Variants in CCDC171 observed in about 807,000 individuals in gnomAD.
CCDC171 encodes the protein coiled-coil domain-containing protein 171.
CCDC171 carries 177 observed loss-of-function variants against 168.2 expected under a neutral mutation model. The observed-to-expected ratio is 1.05, with a 90% CI of 0.93 to 1.19. The LOEUF (loss-of-function observed/expected upper bound fraction) is 1.19. Among genes scored for constraint, CCDC171 ranks in the 50% most tolerant of loss-of-function variants. The probability of loss-of-function intolerance (pLI) is 0.00; values close to 1 mark genes in which losing one functional copy is unlikely to be tolerated. For missense variants in CCDC171, 1,991 were observed against 1,539.0 expected (o/e 1.29, Z -4.91); for synonymous variants, 687 against 540.8 (o/e 1.27, Z -3.75).
intron 11 of CCDC171, among the ~76,000 whole-genome samples, chr9:15,708,442 G>A (rs1405807707): frequency 6.6e-6 from 1 of 152,064 alleles, no homozygotes; most frequent in East Asian, 1.9e-4. Flanking sequence ...CTCCTGCCAC[G>A]GTATCCTCCC....
intron 23 of CCDC171, among the ~76,000 whole-genome samples, chr9:15,865,541 A>T (rs1471827803): frequency 6.6e-6 from 1 of 151,980 alleles, no homozygotes; most frequent in Admixed American, 6.6e-5. Flanking sequence ...CCTATTCAAC[A>T]TGAAGAATAT....
chr9:15,875,766 A>G lies in CCDC171; in HGVS notation c.3600+1103A>G, dbSNP rs187484365. 3.6e-3 allele frequency: 544 copies of G among 152,092 alleles called. 3 individuals carry two copies. The highest frequency in any genetic ancestry group is 0.012 in the African/African-American group (506 of 41,552). The allele number at this position is 152,092 out of a possible 1,614,324, so 9.4% of individuals were successfully genotyped here. A position where few individuals can be genotyped will look rare whatever the true frequency, so the allele number is the denominator to read the frequency against. ...GTTATTAGTACCAAATTAATGCTCT[A>G]CAAGGAAAAAAATACTCATTGCTTC... On this transcript the variant is annotated intron_variant, in intron 24 of 25. Transcript: ENST00000380701.
chr9:15,853,139 A>G (rs1226263639), intron 23 of CCDC171, among the ~76,000 whole-genome samples: 4 of 151,576 alleles, frequency 2.6e-5, no homozygotes, highest in East Asian at 1.9e-4. Flanking sequence ...GAAACCTGCT[A>G]TGTTGAATTT....
intron 14 of CCDC171, among the ~76,000 whole-genome samples, chr9:15,725,495 G>C (rs2053741947): frequency 6.6e-6 from 1 of 151,986 alleles, no homozygotes; most frequent in African/African-American, 2.4e-5. Flanking sequence ...TGTTGCCTAG[G>C]CTGGAGTGCA....
chr9:15,680,190 A>C (rs2049943968), intron 10 of CCDC171, among the ~76,000 whole-genome samples: 1 of 152,214 alleles, frequency 6.6e-6, no homozygotes, highest in Admixed American at 6.5e-5. Context: ...ATTCCACTAT[A>C]GTACTTGGCT....
At chr9:16,059,735 C>T (rs1267736489) in intron 1 of CCDC171, among the ~76,000 whole-genome samples, 3 of 150,176 alleles carry the variant, frequency 2.0e-5, no homozygotes, top group East Asian at 1.9e-4. Flanking sequence ...AGGATGGTCT[C>T]GATCGCCTGA....
chr9:15,924,736 T>C (rs1173114410), intron 25 of CCDC171, among the ~76,000 whole-genome samples: 1 of 151,582 alleles, frequency 6.6e-6, no homozygotes, highest in Non-Finnish European at 1.5e-5. Flanking sequence ...TTTCCATTTA[T>C]TCTTGAGCTT....
chr9:15,663,858 G>A (rs2048515687), intron 8 of CCDC171, among the ~76,000 whole-genome samples: 1 of 151,952 alleles, frequency 6.6e-6, no homozygotes, highest in African/African-American at 2.4e-5. Context: ...CGCCTGCCTC[G>A]GCCTCCCAAA....
intron 25 of CCDC171, among the ~76,000 whole-genome samples, chr9:15,936,396 T>C (rs1827123288): frequency 6.6e-6 from 1 of 151,930 alleles, no homozygotes; most frequent in African/African-American, 2.4e-5. Context: ...AGTTCTCTAA[T>C]CATCACCAGC....
At chr9:15,998,460 G>C (rs1478758870) in intron 3 of CCDC171, among the ~76,000 whole-genome samples, 1 of 152,192 alleles carries the variant, frequency 6.6e-6, no homozygotes, top group Admixed American at 6.5e-5. Context: ...TAAGCCCCCA[G>C]ATAGTGATGT....
intron 16 of CCDC171, among the ~76,000 whole-genome samples, chr9:15,731,279 A>G (rs1317565313): frequency 1.3e-5 from 2 of 152,088 alleles, no homozygotes; most frequent in South Asian, 2.1e-4. Flanking sequence ...TTTGATCAAC[A>G]TAAACACCCA....
intron 6 of CCDC171, among the ~76,000 whole-genome samples, chr9:15,601,968 T>A (rs2042889195): frequency 6.6e-6 from 1 of 152,224 alleles, no homozygotes; most frequent in African/African-American, 2.4e-5. Context: ...TACCAAAGTT[T>A]ATATGTGAAG....
intron 21 of CCDC171, among the ~76,000 whole-genome samples, chr9:15,792,525 A>G (rs1201340918): frequency 6.6e-6 from 1 of 152,166 alleles, no homozygotes; most frequent in East Asian, 1.9e-4. Context: ...TAATTGTCAG[A>G]TTCACCAAAG....
At chr9:15,874,507 A>G in intron 23 of CCDC171, 25 bp from the exon 24 acceptor site, 1 of 1,573,334 alleles carries the variant, frequency 6.4e-7, no homozygotes, top group Non-Finnish European at 8.6e-7. Flanking sequence ...GGGAATTACC[A>G]TTGATGCTGT....
intron 21 of CCDC171, among the ~76,000 whole-genome samples, chr9:15,788,317 T>G (rs117575885): frequency 0.017 from 2,602 of 152,336 alleles, 47 homozygotes; most frequent in Non-Finnish European, 0.026. Flanking sequence ...TTTATGAGAA[T>G]GAATTAAGAT....
chr9:15,614,513 A>G (rs1034181972), intron 6 of CCDC171, among the ~76,000 whole-genome samples: 6 of 152,238 alleles, frequency 3.9e-5, no homozygotes, highest in African/African-American at 1.4e-4. Context: ...TAAAGAGTTA[A>G]CGAGAAATTA....
chr9:15,825,831 G>T (rs556540062), intron 21 of CCDC171, among the ~76,000 whole-genome samples: 4 of 152,286 alleles, frequency 2.6e-5, no homozygotes, highest in African/African-American at 9.6e-5. Flanking sequence ...ACTAGTTGAA[G>T]TTCAGTTCAG....
chr9:15,799,512 A>G (rs1007384215), intron 21 of CCDC171, among the ~76,000 whole-genome samples: 4 of 151,834 alleles, frequency 2.6e-5, no homozygotes, highest in African/African-American at 9.7e-5. Flanking sequence ...ATGTGTATAT[A>G]TTTATGGGGT....
intron 25 of CCDC171, among the ~76,000 whole-genome samples, chr9:15,951,648 C>G (rs1412891730): frequency 6.6e-6 from 1 of 151,884 alleles, no homozygotes; most frequent in Admixed American, 6.6e-5. Context: ...TTTATATGTG[C>G]TTATTGGTTT....
Sources: gnomAD v4.1 joint callset for allele counts (sites outside exome capture counted in the v4.1 genomes callset) on GRCh38, gnomAD v4.1.1 for gene constraint, MANE v1.5 for transcripts, NCBI Gene and HGNC (gene_info 2026-07-23, HGNC 2026-07-21) for gene names.